Variants in PLCB2 observed in about 807,000 individuals in gnomAD.
The protein encoded by PLCB2 is 1-phosphatidylinositol 4,5-bisphosphate phosphodiesterase beta-2.
In PLCB2, 115 loss-of-function variants were observed where a neutral mutation model predicts 141.7. The observed-to-expected ratio is 0.81, with a 90% CI of 0.70 to 0.95. PLCB2 has a LOEUF of 0.95. Ranked by LOEUF, PLCB2 falls within the 40% of genes least tolerant of loss-of-function variation. The pLI is 0.00. For missense variants in PLCB2, 1,403 were observed against 1,541.1 expected, an observed-to-expected ratio of 0.91 and a Z score of 1.50; for synonymous variants, 603 against 595.6, an observed-to-expected ratio of 1.01 and a Z score of -0.18.
At chr15:40,294,883 T>G in intron 18 of PLCB2, 53 bp downstream of exon 18, 1 of 1,611,010 alleles carries the variant, frequency 6.2e-7, no homozygotes, top group Non-Finnish European at 8.5e-7. Flanking sequence ...GATGTAAAGG[T>G]GGGGGGCGCA....
At position 40,296,647 on chromosome 15, in the gene PLCB2, G is replaced by A; in HGVS notation, c.1487-13C>T. 1 of 1,612,646 alleles carries A rather than the reference G, an allele frequency of 6.2e-7. No homozygotes were observed. Among genetic ancestry groups the A allele is most frequent in the Non-Finnish European group, 8.5e-7 (1 of 1,179,692 alleles). ...TCGCCAGCCCACACTGCCACATACA[G>A]CTCTGTCGGCACTGGCTCCTGCATG... On this transcript the variant is annotated splice_polypyrimidine_tract_variant and intron_variant, in intron 14 of 31. Coordinates refer to ENST00000260402, the MANE Select transcript of PLCB2 (RefSeq NM_004573.3).
Position 40,288,895 on chromosome 15 carries a change from C to T in PLCB2, c.3378G>A (p.Glu1126=). 1 of 1,613,568 alleles carries T rather than the reference C, an allele frequency of 6.2e-7. No homozygotes were observed. The change falls in exon 32 of 32, where the codon GAG becomes GAA. Residue 1126 remains glutamate (E), a synonymous_variant. Coordinates refer to ENST00000260402, the MANE Select transcript of PLCB2 (RefSeq NM_004573.3). ...EKQFQKEALA[E]YEARMKGLEA... ...CCAGACCCTTCATCCTGGCCTCGTA[C>T]TCTGCCAGCGCCTCCTTCTGGAACT...
intron 1 of PLCB2, among the ~76,000 whole-genome samples, chr15:40,306,614 CA>C (rs1360026163): frequency 1.3e-5 from 2 of 152,176 alleles, no homozygotes; most frequent in Non-Finnish European, 2.9e-5. Context: ...CACAGGGCCC[CA>C]ACCCATAGTC....
rs764739828 is a variant in PLCB2 at position 40,297,994 on chromosome 15, A to C, written c.1156-35T>G. The C allele has an allele frequency of 6.7e-7, 1 of 1,485,232 alleles. No individual in the cohort carries two copies. Among genetic ancestry groups the C allele is most frequent in the Non-Finnish European group, 9.4e-7 (1 of 1,065,136 alleles). 92.0% of individuals were successfully genotyped at this position (1,485,232 alleles called of 1,614,324 possible). ...AAGGAGACTCCATGAACAGAAGGTCAGCGTTCCGACTGCCTGTCTCGTGAT... is the reference window on the plus strand; with the variant it reads ...AAGGAGACTCCATGAACAGAAGGTCCGCGTTCCGACTGCCTGTCTCGTGAT... On this transcript the variant is annotated intron_variant, in intron 11 of 31. Coordinates refer to ENST00000260402, the MANE Select transcript of PLCB2 (RefSeq NM_004573.3). The surrounding 1 kb of genome is among the most constrained non-coding windows in gnomAD (Gnocchi z 4.2).
Position 40,307,748 on chromosome 15 carries a change from G to C in PLCB2, c.-76C>G. 1 of 1,294,834 alleles carries C rather than the reference G, an allele frequency of 7.7e-7. No homozygotes were observed. The highest frequency in any genetic ancestry group is 2.4e-5 in the Admixed American group (1 of 41,800). The allele number at this position is 1,294,834 out of a possible 1,614,324, so 80.2% of individuals were successfully genotyped here. On this transcript the variant is annotated 5_prime_UTR_variant, in exon 1 of 32. Transcript: ENST00000260402. ...AGGGCAGGAAGGAGGCCAGCCAGGAGGGGGAGCCAAGCTGGGCTCAAATGG... is the reference window on the plus strand; with the variant it reads ...AGGGCAGGAAGGAGGCCAGCCAGGACGGGGAGCCAAGCTGGGCTCAAATGG...
At chr15:40,294,227 C>G in intron 19 of PLCB2, 39 bp downstream of exon 19, 2 of 1,607,846 alleles carry the variant, frequency 1.2e-6, no homozygotes, top group Non-Finnish European at 1.7e-6. Flanking sequence ...CTACTCAAGA[C>G]CTCAGCCTCC....
Position 40,297,594 on chromosome 15 carries a change from T to C in PLCB2, c.1250A>G (p.Gln417Arg). ...FENHVDSPRQ[Q>R]AKMAEYCRTI... ...CCGGCAATACTCAGCCATCTTAGCC[T>C]GCTGGCGGGGTCTGCGGGGAGCAAA... The change falls in exon 13 of 32, where the codon CAG (glutamine) becomes CGG (arginine). Residue 417 changes from glutamine (Q) to arginine (R), a missense_variant. This residue lies in a region of PLCB2 where 975 missense variants were observed against 1,141.1 expected (regional missense o/e 0.85). Transcript: ENST00000260402. This position sits in a 1 kb window ranked among gnomAD's most constrained non-coding sequence, Gnocchi z 4.2. 6.2e-7 allele frequency: 1 copy of C among 1,613,968 alleles called. No homozygotes were observed. The highest frequency in any genetic ancestry group is 8.5e-7 in the Non-Finnish European group (1 of 1,179,862).
Position 40,307,589 on chromosome 15 carries a change from A to G in PLCB2, c.84T>C (p.Asp28=), listed in dbSNP as rs893137407. Residue 28 remains aspartate (D), a splice_region_variant and synonymous_variant, in exon 1 of 32, where the codon GAT becomes GAC. Coordinates refer to ENST00000260402, the MANE Select transcript of PLCB2 (RefSeq NM_004573.3). ...SQGERFIKWD[D]ETTVASPVIL... ...CAGCTGAGGCCCCTGCCCCACTTAC[A>G]TCATCCCATTTGATGAAGCGCTCCC... 4.4e-6 allele frequency: 7 copies of G among 1,579,170 alleles called. No homozygotes were observed. Among genetic ancestry groups the G allele is most frequent in the African/African-American group, 4.1e-5 (3 of 73,674 alleles).
intron 1 of PLCB2, among the ~76,000 whole-genome samples, chr15:40,307,233 G>T (rs146988978): frequency 1.3e-5 from 2 of 152,134 alleles, no homozygotes; most frequent in Non-Finnish European, 2.9e-5. Flanking sequence ...TGCTGGGAGC[G>T]GGGACGAGCT....
At chr15:40,289,097 C>T in intron 31 of PLCB2, 175 bp downstream of exon 31, 1 of 1,064,158 alleles carries the variant, frequency 9.4e-7, no homozygotes, top group East Asian at 2.6e-5. Flanking sequence ...GAAAGGGGAT[C>T]CTAACCAGGC....
intron 19 of PLCB2, among the ~76,000 whole-genome samples, chr15:40,294,060 C>T (rs990376847): frequency 1.6e-4 from 25 of 152,238 alleles, no homozygotes; most frequent in Non-Finnish European, 2.4e-4. Flanking sequence ...CAGCCCTTCC[C>T]GTTGGTTTCC....
intron 1 of PLCB2, 92 bp downstream of exon 1, chr15:40,307,497 C>T (rs1489014312): frequency 5.2e-6 from 4 of 763,096 alleles, no homozygotes; most frequent in East Asian, 5.8e-5. Flanking sequence ...TCCTAGGAGA[C>T]ATAAACCAAT....
chr15:40,294,559 C>T lies in PLCB2; in HGVS notation c.1907-139G>A, dbSNP rs991532081. ...GTGAGGATGAGGGCTTCTCCTGTCC[C>T]AGTCTGGTTCCTTGCAGTGTCTCCT... On this transcript the variant is annotated intron_variant, in intron 18 of 31. Transcript: ENST00000260402. The T allele has an allele frequency of 1.9e-5, 16 of 833,382 alleles. No individual in the cohort carries two copies. The African/African-American group carries it at 2.7e-4, about 14-fold the overall frequency. 51.6% of individuals were successfully genotyped at this position (833,382 alleles called of 1,614,324 possible). A position where few individuals can be genotyped will look rare whatever the true frequency, so the allele number is the denominator to read the frequency against.
At position 40,290,671 on chromosome 15, in the gene PLCB2, C is replaced by G. The variant is rs373461445; in HGVS notation, c.3115G>C (p.Asp1039His). ...LKALKETSEN[D>H]TKEMKKKLET... ...AGCTTTTTCTTCATCTCTTTGGTGT[C>G]GCTGCAGAGAGACAGGCATGAAGGA... Residue 1039 changes from aspartate to histidine, a missense_variant and splice_region_variant, in exon 29 of 32, where the codon GAC becomes CAC. Asp to His is a moderately conservative substitution (Grantham distance 81). Around this residue, in one of 4 missense-constraint regions of PLCB2, gnomAD observed 290 missense variants for 245.9 expected, o/e 1.18. Transcript: ENST00000260402. 6.2e-7 allele frequency: 1 copy of G among 1,613,768 alleles called. No individual in the cohort carries two copies.
chr15:40,303,826 G>A, intron 2 of PLCB2, 175 bp downstream of exon 2: 2 of 573,606 alleles, frequency 3.5e-6, no homozygotes, highest in Non-Finnish European at 6.3e-6. Context: ...TGGAGTGACT[G>A]CATCCTCCTT....
chr15:40,304,375 GGA>G (rs2040690334), intron 1 of PLCB2, among the ~76,000 whole-genome samples: 1 of 152,096 alleles, frequency 6.6e-6, no homozygotes, highest in Non-Finnish European at 1.5e-5. Context: ...CTGCCACCCA[GGA>G]GAGATTGACA....
In PLCB2 at chr15:40,297,508, G is replaced by T; in HGVS notation, c.1323+13C>A. 1.9e-6 allele frequency: 3 copies of T among 1,605,030 alleles called. No homozygotes were observed. The highest frequency in any genetic ancestry group is 1.1e-5 in the South Asian group (1 of 90,888). On this transcript the variant is annotated intron_variant, in intron 13 of 31. Transcript: ENST00000260402. This position sits in a 1 kb window ranked among gnomAD's most constrained non-coding sequence, Gnocchi z 4.2. ...GCCCAAGGCTCAAATGTCCCACAGC[G>T]AAGCCCACTCACTGGGAACTTTTCC... is the stretch of plus-strand genomic sequence containing the variant.
Position 40,292,401 on chromosome 15 carries a change from A to C in PLCB2, c.2369T>G (p.Leu790Arg). The C allele has an allele frequency of 1.9e-6, 3 of 1,613,880 alleles. No homozygotes were observed. In the South Asian group the frequency reaches 3.3e-5, roughly 18 times the overall value. The change falls in exon 22 of 32, where the codon CTC becomes CGC. Residue 790 changes from leucine to arginine, a missense_variant. Transcript: ENST00000260402. ...GAAGATGAAGAGCGCAGGCATGGTG[A>C]GGGGCATGTTGCTCTCACTGTGCAG... is the stretch of plus-strand genomic sequence containing the variant. ...LCLHSESNMP[L>R]TMPALFIFLE...
rs1377734820 is a variant in PLCB2, at chr15:40,295,476, G to T, written c.1697-191C>A. ...ATCACAGTGCCTGCTGGGGTGAGGG[G>T]TGTTCTCAGTGTGTATGCACAGGGG... On this transcript the variant is annotated intron_variant, in intron 16 of 31. Transcript: ENST00000260402. Among the ~76,000 whole-genome samples, 16 of 152,068 alleles carry T rather than the reference G, an allele frequency of 1.1e-4. 1 individual carries two copies. The highest frequency in any genetic ancestry group is 6.5e-5 in the Admixed American group (1 of 15,274).
Sources: gnomAD v4.1 joint callset for allele counts (sites outside exome capture counted in the v4.1 genomes callset) on GRCh38, gnomAD v4.1.1 for gene constraint, gnomAD v4.1.1 regional missense constraint, Gnocchi (gnomAD v3.1) non-coding constraint, MANE v1.5 for transcripts, NCBI Gene and HGNC (gene_info 2026-07-23, HGNC 2026-07-21) for gene names.